Variants in CNTNAP5 observed in about 807,000 individuals in gnomAD.
CNTNAP5 encodes contactin-associated protein-like 5.
A neutral mutation model predicts 150.2 loss-of-function variants in CNTNAP5; 72 were observed. The ratio of observed to expected loss-of-function variants is 0.48; its 90% CI spans 0.40 to 0.58. The LOEUF is 0.58. CNTNAP5 is among the 20% of genes least tolerant of loss of function. The pLI, the probability that CNTNAP5 is intolerant of heterozygous loss-of-function variation, is 0.00. For missense variants in CNTNAP5, 1,636 were observed against 1,626.2 expected (o/e 1.01, Z -0.10); for synonymous variants, 672 against 619.8 (o/e 1.08, Z -1.25).
intron 19 of CNTNAP5, among the ~76,000 whole-genome samples, chr2:124,849,693 G>A (rs1313904201): frequency 3.9e-5 from 6 of 152,040 alleles, no homozygotes; most frequent in Non-Finnish European, 8.8e-5. Context: ...ATTTATTTGT[G>A]TCTTCTACAA....
At chr2:124,611,340 C>T (rs181835752) in intron 12 of CNTNAP5, among the ~76,000 whole-genome samples, 2 of 152,152 alleles carry the variant, frequency 1.3e-5, no homozygotes, top group Non-Finnish European at 2.9e-5. Context: ...AGTAATTTGC[C>T]CATCTGGATA....
intron 3 of CNTNAP5, among the ~76,000 whole-genome samples, chr2:124,346,835 C>T (rs946576851): frequency 3.4e-5 from 5 of 148,900 alleles, no homozygotes; most frequent in African/African-American, 1.2e-4. Flanking sequence ...CTTTGTGAGG[C>T]TGAGGTGGGA....
rs1279636136 is a variant in CNTNAP5, at chr2:124,025,747, C to A, written c.82+15C>A. On this transcript the variant is annotated intron_variant, in intron 1 of 23. Transcript: ENST00000682447. Reference sequence around the variant, plus strand: ...AGCGACAAACTGTGAGTACGAGGAGCTGGGGGCGGGAAGGTGAGGTGGAAA... The same window carrying A: ...AGCGACAAACTGTGAGTACGAGGAGATGGGGGCGGGAAGGTGAGGTGGAAA... 2 of 1,600,332 alleles carry A rather than the reference C, an allele frequency of 1.2e-6. No homozygotes were observed. The highest frequency in any genetic ancestry group is 8.6e-7 in the Non-Finnish European group (1 of 1,167,522).
chr2:124,106,144 G>A (rs1683167606), intron 1 of CNTNAP5, among the ~76,000 whole-genome samples: 1 of 152,118 alleles, frequency 6.6e-6, no homozygotes, highest in Admixed American at 6.6e-5. Flanking sequence ...GCAAGAGGTG[G>A]GGAAGTGAAG....
intron 11 of CNTNAP5, among the ~76,000 whole-genome samples, chr2:124,567,942 T>C (rs552363745): frequency 6.6e-6 from 1 of 152,140 alleles, no homozygotes; most frequent in South Asian, 2.1e-4. Flanking sequence ...TGTTATTATT[T>C]CCATTTTACA....
Position 124,798,266 on chromosome 2 carries a change from C to G in CNTNAP5, c.3163C>G (p.Leu1055Val). The change falls in exon 19 of 24, where the codon CTC becomes GTC. Residue 1055 changes from leucine to valine, a missense_variant. By Grantham distance (32) the Leu-to-Val change is conservative (BLOSUM62 1). Coordinates refer to ENST00000682447, the MANE Select transcript of CNTNAP5 (RefSeq NM_001367498.1). Reference protein sequence around the residue: ...FVTTQAPSLLLFINSSSQDFV... With the variant: ...FVTTQAPSLLVFINSSSQDFV... ...GACAACCCAGGCACCCAGTCTTTTG[C>G]TCTTTATCAATTCTTCTTCTCAGGA... The G allele has an allele frequency of 6.2e-7, 1 of 1,613,916 alleles. No individual in the cohort carries two copies. The highest frequency in any genetic ancestry group is 8.5e-7 in the Non-Finnish European group (1 of 1,179,820).
intron 3 of CNTNAP5, among the ~76,000 whole-genome samples, chr2:124,290,039 G>T (rs1432434421): frequency 1.3e-5 from 2 of 152,108 alleles, no homozygotes; most frequent in African/African-American, 2.4e-5. Flanking sequence ...TTTGGGGAGG[G>T]TGTTTATAAA....
chr2:124,520,455 G>T (rs1694825324), intron 8 of CNTNAP5, among the ~76,000 whole-genome samples: 1 of 152,202 alleles, frequency 6.6e-6, no homozygotes, highest in Admixed American at 6.5e-5. Flanking sequence ...CAGAAAGAAT[G>T]TGCAAATTTA....
intron 17 of CNTNAP5, among the ~76,000 whole-genome samples, chr2:124,779,522 C>T (rs1338693268): frequency 6.6e-6 from 1 of 152,178 alleles, no homozygotes; most frequent in South Asian, 2.1e-4. Context: ...TGTGCATGCT[C>T]ACACACATAC....
At chr2:124,287,558 C>T (rs543448747) in intron 3 of CNTNAP5, among the ~76,000 whole-genome samples, 5 of 152,212 alleles carry the variant, frequency 3.3e-5, no homozygotes, top group African/African-American at 7.2e-5. Context: ...TGAAGAACTG[C>T]GTAATATTGG....
intron 3 of CNTNAP5, among the ~76,000 whole-genome samples, chr2:124,365,117 C>T (rs1690336260): frequency 6.6e-6 from 1 of 151,914 alleles, no homozygotes; most frequent in South Asian, 2.1e-4. Flanking sequence ...TTGAGACCAA[C>T]CTGGAAAGGG....
intron 13 of CNTNAP5, among the ~76,000 whole-genome samples, chr2:124,737,376 C>T (rs2105133835): frequency 6.6e-6 from 1 of 151,882 alleles, no homozygotes; most frequent in African/African-American, 2.4e-5. Context: ...TGGTTAATTT[C>T]AGGACCCAGT....
rs544527925 is a variant in CNTNAP5 at position 124,820,898 on chromosome 2, G to A, written c.3217+22578G>A. Reference sequence around the variant, plus strand: ...ATGCAGTTTTTCATTCAAAGCCCCCGGTTGAAGCAATAACTCTATTTAGGA... The same window carrying A: ...ATGCAGTTTTTCATTCAAAGCCCCCAGTTGAAGCAATAACTCTATTTAGGA... On this transcript the variant is annotated intron_variant, in intron 19 of 23. Coordinates refer to ENST00000682447, the MANE Select transcript of CNTNAP5 (RefSeq NM_001367498.1). 5.3e-5 allele frequency among the ~76,000 whole-genome samples: 8 copies of A among 152,246 alleles called. No individual in the cohort carries two copies. In the South Asian group the frequency reaches 6.2e-4, roughly 12 times the overall value.
chr2:124,867,491 T>C (rs1182005512), intron 20 of CNTNAP5, among the ~76,000 whole-genome samples: 2 of 152,224 alleles, frequency 1.3e-5, no homozygotes, highest in African/African-American at 4.8e-5. Context: ...TATCTTTCCT[T>C]GTCCTCTCAT....
At chr2:124,044,429 G>T (rs1268060775) in intron 1 of CNTNAP5, among the ~76,000 whole-genome samples, 1 of 152,164 alleles carries the variant, frequency 6.6e-6, no homozygotes, top group African/African-American at 2.4e-5. Flanking sequence ...GCTCCTAGCA[G>T]TTTGTCAATA....
chr2:124,571,353 A>G (rs944412424), intron 11 of CNTNAP5, among the ~76,000 whole-genome samples: 79 of 152,090 alleles, frequency 5.2e-4, no homozygotes, highest in African/African-American at 1.9e-3. Flanking sequence ...AAAGTAAAAT[A>G]TTTTAAGAGA....
rs763503706 is a variant in CNTNAP5, at chr2:124,647,817, G to T, written c.1936G>T (p.Ala646Ser). Residue 646 changes from alanine (A) to serine (S), a missense_variant, in exon 13 of 24, where the codon GCT becomes TCT. Ala to Ser is a moderately conservative substitution (Grantham distance 99). Coordinates refer to ENST00000682447, the MANE Select transcript of CNTNAP5 (RefSeq NM_001367498.1). ...TACAGAGCTGACCCGAGTGCGGGGC[G>T]CTAACCCTGAGAAGCCCTATGCCAT... ...NNTELTRVRGANPEKPYAMAL... is the reference protein window; with the variant it reads ...NNTELTRVRGSNPEKPYAMAL... The T allele has an allele frequency of 6.2e-7, 1 of 1,613,244 alleles. No homozygotes were observed. Among genetic ancestry groups the T allele is most frequent in the Non-Finnish European group, 8.5e-7 (1 of 1,179,640 alleles).
At chr2:124,661,053 G>A (rs1260586780) in intron 13 of CNTNAP5, among the ~76,000 whole-genome samples, 1 of 137,540 alleles carries the variant, frequency 7.3e-6, no homozygotes. Flanking sequence ...GGGTGAGGCA[G>A]AGAGGGAATG....
intron 19 of CNTNAP5, among the ~76,000 whole-genome samples, chr2:124,841,315 C>T (rs150924412): frequency 5.2e-4 from 79 of 151,984 alleles, no homozygotes; most frequent in East Asian, 5.1e-3. Flanking sequence ...TCAGCAAGTA[C>T]TTTCTTCTAC....
Sources: gnomAD v4.1 joint callset for allele counts (sites outside exome capture counted in the v4.1 genomes callset) on GRCh38, gnomAD v4.1.1 for gene constraint, MANE v1.5 for transcripts, NCBI Gene and HGNC (gene_info 2026-07-23, HGNC 2026-07-21) for gene names.